Variants in COPG2 observed in about 807,000 individuals in gnomAD.
The protein encoded by COPG2 is coat protein complex I subunit gamma 2, also known as coatomer subunit gamma-2.
Under a neutral mutation model 46.3 loss-of-function variants are expected in COPG2, and 37 were observed. That is an observed-to-expected ratio of 0.80 (90% CI 0.61 to 1.05). COPG2 has a LOEUF of 1.05. COPG2 is among the 50% of genes least tolerant of loss of function. The pLI, the probability that COPG2 is intolerant of heterozygous loss-of-function variation, is 0.00. For synonymous variants in COPG2, 159 were observed against 129.7 expected, an observed-to-expected ratio of 1.23 and a Z score of -1.53; for missense variants, 427 against 387.8, an observed-to-expected ratio of 1.10 and a Z score of -0.85.
intron 20 of COPG2, among the ~76,000 whole-genome samples, chr7:130,538,825 G>T (rs1799909302): frequency 6.6e-6 from 1 of 152,146 alleles, no homozygotes; most frequent in Non-Finnish European, 1.5e-5. Flanking sequence ...AGCCTGAGAG[G>T]ATGGAGGTGT....
At chr7:130,548,937 G>T (rs931833141) in intron 18 of COPG2, among the ~76,000 whole-genome samples, 30 of 149,550 alleles carry the variant, frequency 2.0e-4, no homozygotes, top group Non-Finnish European at 4.3e-4. Flanking sequence ...AAATGCTTTA[G>T]TTTCCATAGC....
chr7:130,573,033 C>CT (rs1304973310), intron 9 of COPG2, among the ~76,000 whole-genome samples: 9 of 151,900 alleles, frequency 5.9e-5, no homozygotes, highest in East Asian at 5.8e-4. Context: ...CACATCACTA[C>CT]TGACACTAAA....
chr7:130,631,685 C>T (rs773269387), intron 5 of COPG2, among the ~76,000 whole-genome samples: 2 of 152,056 alleles, frequency 1.3e-5, no homozygotes, highest in African/African-American at 2.4e-5. Flanking sequence ...CTCTTCTTTG[C>T]CTCATGCTAT....
chr7:130,660,998 T>G (rs1374690998), intron 4 of COPG2, among the ~76,000 whole-genome samples: 1 of 152,210 alleles, frequency 6.6e-6, no homozygotes, highest in Non-Finnish European at 1.5e-5. Context: ...CCTGATTAAA[T>G]CCTATCTCTA....
intron 9 of COPG2, among the ~76,000 whole-genome samples, chr7:130,567,354 A>T (rs1301780516): frequency 6.6e-6 from 1 of 152,202 alleles, no homozygotes; most frequent in Non-Finnish European, 1.5e-5. Flanking sequence ...GTTCCCAAGG[A>T]AGAAGATAAA....
At chr7:130,569,333 G>A (rs1793855529) in intron 9 of COPG2, among the ~76,000 whole-genome samples, 1 of 151,996 alleles carries the variant, frequency 6.6e-6, no homozygotes, top group Non-Finnish European at 1.5e-5. Flanking sequence ...CAAGAAGAGA[G>A]AAGATCCAAG....
Position 130,619,079 on chromosome 7 carries a change from A to T in COPG2, c.324-2014T>A, listed in dbSNP as rs1009766176. On this transcript the variant is annotated intron_variant, in intron 5 of 23. Transcript: ENST00000425248. ...GGCAATGTCTGGTGTTAATTCTATG[A>T]ATTTGTTTTGTGTTACATCTCTATT... 3.3e-5 allele frequency among the ~76,000 whole-genome samples: 5 copies of T among 152,046 alleles called. No homozygotes were observed. In the South Asian group the frequency reaches 1.0e-3, roughly 31 times the overall value.
rs976514404 is a variant in COPG2, at chr7:130,531,708, A to G, written c.2149+15966T>C. 2.5e-4 allele frequency among the ~76,000 whole-genome samples: 38 copies of G among 152,184 alleles called. 1 individual carries two copies. The East Asian group carries it at 6.4e-3, about 26-fold the overall frequency. On this transcript the variant is annotated intron_variant, in intron 20 of 23. Transcript: ENST00000425248. ...GGGGCAGAGGAGGAAATGCTGAGATATTTGATTAAGAAGTTAAAGGAAAGC... is the reference window on the plus strand; with the variant it reads ...GGGGCAGAGGAGGAAATGCTGAGATGTTTGATTAAGAAGTTAAAGGAAAGC...
At chr7:130,531,240 C>T (rs2116359137) in intron 20 of COPG2, among the ~76,000 whole-genome samples, 1 of 151,432 alleles carries the variant, frequency 6.6e-6, no homozygotes, top group South Asian at 2.1e-4. Flanking sequence ...GCATTGAGAA[C>T]ACCACTGTAT....
At chr7:130,516,178 G>C (rs1197359053) in intron 20 of COPG2, among the ~76,000 whole-genome samples, 1 of 152,182 alleles carries the variant, frequency 6.6e-6, no homozygotes, top group African/African-American at 2.4e-5. Flanking sequence ...GCATCACTTA[G>C]TATTGACCAA....
chr7:130,588,105 C>T (rs1794318489), intron 9 of COPG2, among the ~76,000 whole-genome samples: 1 of 151,312 alleles, frequency 6.6e-6, no homozygotes, highest in African/African-American at 2.4e-5. Context: ...GATACCATCT[C>T]ACAACAGTTA....
intron 9 of COPG2, among the ~76,000 whole-genome samples, chr7:130,595,451 T>C (rs996031062): frequency 9.2e-5 from 14 of 152,224 alleles, no homozygotes; most frequent in African/African-American, 3.4e-4. Context: ...TTACATAGTT[T>C]TGTGAATATA....
At chr7:130,579,423 G>C (rs1584981495) in intron 9 of COPG2, among the ~76,000 whole-genome samples, 1 of 149,980 alleles carries the variant, frequency 6.7e-6, no homozygotes, top group East Asian at 2.0e-4. Flanking sequence ...ATCGAGACTA[G>C]GAAGAAACTG....
chr7:130,627,688 G>A (rs1795142236), intron 5 of COPG2, among the ~76,000 whole-genome samples: 1 of 151,252 alleles, frequency 6.6e-6, no homozygotes, highest in African/African-American at 2.4e-5. Context: ...GTTCCTGCCT[G>A]GTGGTTGCTA....
rs182609109 is a variant in COPG2, at chr7:130,646,500, G to A, written c.323+6369C>T. Among the ~76,000 whole-genome samples the A allele has an allele frequency of 1.6e-4, 25 of 152,170 alleles. 1 individual carries two copies. The East Asian group carries it at 4.1e-3, about 25-fold the overall frequency. ...GCTCTGAAATGGATTATTTTCAAACGGATGTATTAGTGTCTCAAGCTAGTT... is the reference window on the plus strand; with the variant it reads ...GCTCTGAAATGGATTATTTTCAAACAGATGTATTAGTGTCTCAAGCTAGTT... On this transcript the variant is annotated intron_variant, in intron 5 of 23. Coordinates refer to ENST00000425248, the MANE Select transcript of COPG2 (RefSeq NM_012133.6).
intron 5 of COPG2, chr7:130,645,218 C>G: frequency 5.7e-6 from 4 of 700,466 alleles, no homozygotes; most frequent in Non-Finnish European, 1.0e-5. Flanking sequence ...ATGAGCTACT[C>G]GGCTGTGTGA....
intron 9 of COPG2, among the ~76,000 whole-genome samples, chr7:130,596,390 G>C (rs1290285006): frequency 6.6e-6 from 1 of 152,148 alleles, no homozygotes; most frequent in Non-Finnish European, 1.5e-5. Context: ...GTTTTAAGGG[G>C]GCCCTTCAAG....
intron 9 of COPG2, among the ~76,000 whole-genome samples, chr7:130,592,677 T>C (rs149821283): frequency 1.3e-5 from 2 of 152,312 alleles, no homozygotes; most frequent in Non-Finnish European, 2.9e-5. Context: ...GGAAGGCTGA[T>C]ATTAAATACT....
At chr7:130,597,281 CA>C (rs782240894) in intron 9 of COPG2, among the ~76,000 whole-genome samples, 24 of 152,168 alleles carry the variant, frequency 1.6e-4, no homozygotes, top group Non-Finnish European at 2.2e-4. Flanking sequence ...GGGAGGTGGC[CA>C]GTGGGGGTGC....
Sources: allele counts gnomAD v4.1 joint callset (sites outside exome capture counted in the v4.1 genomes callset), GRCh38; gene constraint gnomAD v4.1.1; transcripts MANE v1.5; gene names NCBI Gene and HGNC (gene_info 2026-07-23, HGNC 2026-07-21).